Variants in ANXA4 observed in about 807,000 individuals in gnomAD.
The protein encoded by ANXA4 is annexin A4, also known as 35-beta calcimedin.
Under a neutral mutation model 49.8 loss-of-function variants are expected in ANXA4, and 39 were observed. The ratio of observed to expected loss-of-function variants is 0.78; its 90% CI spans 0.61 to 1.02. The LOEUF is 1.02. ANXA4 is among the 50% of genes least tolerant of loss of function. The probability of loss-of-function intolerance (pLI) is 0.00; values close to 1 mark genes in which losing one functional copy is unlikely to be tolerated. For missense variants in ANXA4, 360 were observed against 410.1 expected (o/e 0.88, Z 1.05); for synonymous variants, 134 against 152.5 (o/e 0.88, Z 0.89).
At chr2:69,721,782 C>G (rs1669818062) in intron 3 of ANXA4, among the ~76,000 whole-genome samples, 2 of 152,290 alleles carry the variant, frequency 1.3e-5, no homozygotes, top group South Asian at 2.1e-4. Flanking sequence ...AGACCTCCCC[C>G]AGTCTCCTCT....
intron 2 of ANXA4, among the ~76,000 whole-genome samples, chr2:69,684,722 C>A (rs72899489): frequency 0.02 from 3,019 of 150,604 alleles, 111 homozygotes; most frequent in African/African-American, 0.069. Flanking sequence ...GAAAAAAAAA[C>A]CCCATCAGGT....
At position 69,802,660 on chromosome 2, in the gene ANXA4, G is replaced by A. The variant is rs1044833445; in HGVS notation, c.98-1873G>A. ...CGGGAGGCAGAGGTTGCAGTGAGCC[G>A]AGATGGCACCACTGCACTACAGACT... On this transcript the variant is annotated intron_variant, in intron 3 of 12. Transcript: ENST00000394295. 2.0e-5 allele frequency among the ~76,000 whole-genome samples: 3 copies of A among 149,350 alleles called. No individual in the cohort carries two copies. The South Asian group carries it at 6.4e-4, about 32-fold the overall frequency.
intron 3 of ANXA4, among the ~76,000 whole-genome samples, chr2:69,790,947 T>C (rs1055624814): frequency 2.0e-5 from 3 of 152,228 alleles, no homozygotes; most frequent in Non-Finnish European, 2.9e-5. Context: ...TAGGACTGAG[T>C]TGTTTGCAAA....
At chr2:69,705,400 A>G (rs1196315469) in intron 2 of ANXA4, among the ~76,000 whole-genome samples, 1 of 152,186 alleles carries the variant, frequency 6.6e-6, no homozygotes, top group African/African-American at 2.4e-5. Context: ...TACTTTTTCT[A>G]CAATGAATAT....
At chr2:69,723,869 C>G (rs1311784139) in intron 3 of ANXA4, among the ~76,000 whole-genome samples, 1 of 152,174 alleles carries the variant, frequency 6.6e-6, no homozygotes, top group Non-Finnish European at 1.5e-5. Flanking sequence ...TGCTATTTTC[C>G]TAAAGACACT....
At chr2:69,662,408 A>T (rs1676755302) in intron 2 of ANXA4, among the ~76,000 whole-genome samples, 1 of 152,064 alleles carries the variant, frequency 6.6e-6, no homozygotes, top group South Asian at 2.1e-4. Context: ...GTCTAGATTT[A>T]AGGGAAGGGG....
chr2:69,684,093 T>C (rs1332350871), intron 2 of ANXA4, among the ~76,000 whole-genome samples: 1 of 152,210 alleles, frequency 6.6e-6, no homozygotes, highest in Non-Finnish European at 1.5e-5. Context: ...TTGATTGTGA[T>C]TTGCGAGCTC....
At chr2:69,798,785 C>T (rs1395729402) in intron 3 of ANXA4, among the ~76,000 whole-genome samples, 1 of 152,174 alleles carries the variant, frequency 6.6e-6, no homozygotes, top group African/African-American at 2.4e-5. Context: ...CTCCTTTACT[C>T]ACCATTCTGA....
intron 2 of ANXA4, among the ~76,000 whole-genome samples, chr2:69,717,322 G>GA (rs1669670296): frequency 1.3e-5 from 2 of 152,162 alleles, no homozygotes; most frequent in African/African-American, 4.8e-5. Flanking sequence ...GCTGGTGCTG[G>GA]AAAACTCCCA....
intron 1 of ANXA4, among the ~76,000 whole-genome samples, chr2:69,766,875 A>G (rs916085114): frequency 1.3e-5 from 2 of 152,104 alleles, no homozygotes; most frequent in African/African-American, 4.8e-5. Flanking sequence ...GATGCGCTCT[A>G]AAGTCTTTTC....
At chr2:69,771,693 T>G (rs545586100) in intron 1 of ANXA4, among the ~76,000 whole-genome samples, 1 of 152,334 alleles carries the variant, frequency 6.6e-6, no homozygotes, top group South Asian at 2.1e-4. Flanking sequence ...AGTCAGCACC[T>G]GGCTTGCCCA....
chr2:69,774,436 T>A (rs1349364563), intron 1 of ANXA4, among the ~76,000 whole-genome samples: 1 of 146,856 alleles, frequency 6.8e-6, no homozygotes, highest in Non-Finnish European at 1.5e-5. Context: ...CCTCCCAGGT[T>A]CAAGTGATTC....
At chr2:69,788,934 TTGAGA>T (rs1452008995) in intron 3 of ANXA4, among the ~76,000 whole-genome samples, 1 of 150,826 alleles carries the variant, frequency 6.6e-6, no homozygotes, top group Non-Finnish European at 1.5e-5. Context: ...ATGGAACAAG[TTGAGA>T]TAAGTTGGGA....
chr2:69,690,576 T>G (rs1197972480), intron 2 of ANXA4, among the ~76,000 whole-genome samples: 1 of 152,150 alleles, frequency 6.6e-6, no homozygotes, highest in East Asian at 1.9e-4. Flanking sequence ...ACCCTGTTTT[T>G]GCAGTTCCTA....
Position 69,812,666 on chromosome 2 carries a change from A to G in ANXA4, c.491A>G (p.Glu164Gly). ...LVSLSAGGRD[E>G]GNYLDDALVR... ...TCTCATCCTCAGGGTGGGAGGGATGAAGGAAATTATCTGGACGATGCTCTC... is the reference window on the plus strand; with the variant it reads ...TCTCATCCTCAGGGTGGGAGGGATGGAGGAAATTATCTGGACGATGCTCTC... Residue 164 changes from glutamate to glycine, a missense_variant, in exon 8 of 13, where the codon GAA becomes GGA. Transcript: ENST00000394295. 1 of 1,614,044 alleles carries G rather than the reference A, an allele frequency of 6.2e-7. No homozygotes were observed. Among genetic ancestry groups the G allele is most frequent in the Non-Finnish European group, 8.5e-7 (1 of 1,179,944 alleles).
intron 1 of ANXA4, among the ~76,000 whole-genome samples, chr2:69,651,320 A>G (rs1006996757): frequency 2.0e-5 from 3 of 152,206 alleles, no homozygotes; most frequent in African/African-American, 7.2e-5. Flanking sequence ...GCAGTAAACT[A>G]TGATCACACC....
At chr2:69,679,116 G>A (rs983105955) in intron 2 of ANXA4, among the ~76,000 whole-genome samples, 1 of 151,908 alleles carries the variant, frequency 6.6e-6, no homozygotes, top group South Asian at 2.1e-4. Flanking sequence ...ATATTTTGTG[G>A]TTTTTTAAAT....
intron 2 of ANXA4, among the ~76,000 whole-genome samples, chr2:69,785,481 G>A (rs1672376560): frequency 6.6e-6 from 1 of 152,112 alleles, no homozygotes; most frequent in South Asian, 2.1e-4. Flanking sequence ...TTGTGTGGAG[G>A]TATAATACAA....
At chr2:69,777,503 TCTTATCG>T (rs1672007493) in intron 1 of ANXA4, among the ~76,000 whole-genome samples, 1 of 152,172 alleles carries the variant, frequency 6.6e-6, no homozygotes, top group South Asian at 2.1e-4. Context: ...CCCTTATTGT[TCTTATCG>T]CTTACAAAAT....
Sources: allele counts gnomAD v4.1 joint callset (sites outside exome capture counted in the v4.1 genomes callset), GRCh38; gene constraint gnomAD v4.1.1; transcripts MANE v1.5; gene names NCBI Gene and HGNC (gene_info 2026-07-23, HGNC 2026-07-21).